Variants in CSNK1G3 observed in about 807,000 individuals in gnomAD.
CSNK1G3 encodes the protein casein kinase 1 gamma 3.
Under a neutral mutation model 64.3 loss-of-function variants are expected in CSNK1G3, and 23 were observed. The ratio of observed to expected loss-of-function variants is 0.36; its 90% confidence interval spans 0.26 to 0.51. CSNK1G3 has a LOEUF of 0.51. Among genes scored for constraint, CSNK1G3 ranks in the 20% least tolerant of loss-of-function variants. The pLI is 0.96. For synonymous variants in CSNK1G3, 158 were observed against 162.2 expected, an observed-to-expected ratio of 0.97 and a Z score of 0.20; for missense variants, 357 against 510.5, an observed-to-expected ratio of 0.70 and a Z score of 2.90.
At chr5:123,530,806 A>G (rs961804252) in intron 1 of CSNK1G3, among the ~76,000 whole-genome samples, 8 of 152,200 alleles carry the variant, frequency 5.3e-5, no homozygotes, top group Non-Finnish European at 1.0e-4. Flanking sequence ...TTTCTGTAGT[A>G]TGTAATTTTA....
chr5:123,521,541 C>T (rs1317067529), intron 1 of CSNK1G3, among the ~76,000 whole-genome samples: 2 of 151,986 alleles, frequency 1.3e-5, no homozygotes. Context: ...TACCTTAATA[C>T]CTACTAATGA....
At position 123,512,180 on chromosome 5, in the gene CSNK1G3, G is replaced by A. The variant is rs529063093; in HGVS notation, c.-638G>A. 13 of 152,156 alleles carry A rather than the reference G, an allele frequency of 8.5e-5. No homozygotes were observed. Among genetic ancestry groups the A allele is most frequent in the African/African-American group, 3.1e-4 (13 of 41,490 alleles). 9.4% of individuals were successfully genotyped at this position (152,156 alleles called of 1,614,324 possible). On this transcript the variant is annotated 5_prime_UTR_variant, in exon 1 of 13. In the 5' UTR this introduces an upstream ATG that the reference lacks. Coordinates refer to ENST00000345990, the Ensembl canonical transcript of CSNK1G3. ...CTTTCCTTTTTAATTTTTTTTCCAT[G>A]TGTTCACTTCCGGGTCCGGCGTCGA...
intron 6 of CSNK1G3, among the ~76,000 whole-genome samples, chr5:123,577,805 C>G (rs1251022258): frequency 1.3e-5 from 2 of 151,632 alleles, no homozygotes; most frequent in East Asian, 3.9e-4. Context: ...AATGTGCATA[C>G]TATGTAACCC....
At chr5:123,586,267 T>C (rs531228392) in intron 6 of CSNK1G3, among the ~76,000 whole-genome samples, 1 of 152,042 alleles carries the variant, frequency 6.6e-6, no homozygotes, top group African/African-American at 2.4e-5. Context: ...ATTGTGGGGG[T>C]TGGGGGAGAG....
chr5:123,612,980 T>A (rs1748687703), intron 12 of CSNK1G3, among the ~76,000 whole-genome samples: 1 of 152,176 alleles, frequency 6.6e-6, no homozygotes, highest in African/African-American at 2.4e-5. Context: ...TACTCAACCA[T>A]GCTTGCCTGC....
At chr5:123,590,624 T>C in intron 9 of CSNK1G3, 66 bp downstream of exon 9, 1 of 978,432 alleles carries the variant, frequency 1.0e-6, no homozygotes, top group Non-Finnish European at 1.4e-6. Context: ...TACAATATCT[T>C]CAATTGAAAA....
At chr5:123,569,669 A>G (rs757064102) in intron 4 of CSNK1G3, among the ~76,000 whole-genome samples, 2 of 152,190 alleles carry the variant, frequency 1.3e-5, no homozygotes, top group Non-Finnish European at 2.9e-5. Flanking sequence ...AATTGCTTGA[A>G]AGCTTTAATT....
chr5:123,594,527 T>G (rs535720421), intron 10 of CSNK1G3, among the ~76,000 whole-genome samples: 1 of 152,310 alleles, frequency 6.6e-6, no homozygotes, highest in African/African-American at 2.4e-5. Flanking sequence ...CATATTATCC[T>G]TAGAATCAGA....
chr5:123,535,685 T>G (rs1780673726), intron 1 of CSNK1G3, among the ~76,000 whole-genome samples: 2 of 152,186 alleles, frequency 1.3e-5, no homozygotes, highest in East Asian at 1.9e-4. Context: ...CATCTTTTAT[T>G]ATTTTCACTT....
intron 8 of CSNK1G3, among the ~76,000 whole-genome samples, chr5:123,588,775 T>C (rs1174129427): frequency 2.6e-5 from 4 of 152,314 alleles, no homozygotes; most frequent in Middle Eastern, 3.4e-3. Context: ...TGATATACTT[T>C]TAATGAGTTA....
chr5:123,558,758 T>C (rs545439046), intron 4 of CSNK1G3, among the ~76,000 whole-genome samples: 1 of 152,320 alleles, frequency 6.6e-6, no homozygotes, highest in South Asian at 2.1e-4. Context: ...ATTTAAAGGC[T>C]ATTGGGATAA....
At chr5:123,515,926 A>G (rs573623329) in intron 1 of CSNK1G3, among the ~76,000 whole-genome samples, 1 of 152,354 alleles carries the variant, frequency 6.6e-6, no homozygotes, top group African/African-American at 2.4e-5. Flanking sequence ...GAGAGCAGGA[A>G]ACAGTCTTCT....
At chr5:123,519,923 G>C (rs2149952642) in intron 1 of CSNK1G3, among the ~76,000 whole-genome samples, 1 of 152,274 alleles carries the variant, frequency 6.6e-6, no homozygotes, top group East Asian at 1.9e-4. Context: ...CAGGACTGTG[G>C]GCTACCAATG....
At chr5:123,548,739 G>T (rs1048698188) in intron 2 of CSNK1G3, among the ~76,000 whole-genome samples, 1 of 149,470 alleles carries the variant, frequency 6.7e-6, no homozygotes, top group African/African-American at 2.5e-5. Context: ...GATCCTGTCT[G>T]TAAAAAAAAA....
intron 6 of CSNK1G3, among the ~76,000 whole-genome samples, chr5:123,578,522 T>A (rs943390969): frequency 2.6e-5 from 4 of 151,954 alleles, no homozygotes; most frequent in Non-Finnish European, 4.4e-5. Context: ...TTGTCATATA[T>A]ATGCATTATG....
chr5:123,580,252 C>G (rs1183797467), intron 6 of CSNK1G3, among the ~76,000 whole-genome samples: 2 of 151,880 alleles, frequency 1.3e-5, no homozygotes, highest in Non-Finnish European at 2.9e-5. Flanking sequence ...GGACTTCTTG[C>G]TCACATGAAC....
intron 1 of CSNK1G3, among the ~76,000 whole-genome samples, chr5:123,536,760 C>T (rs1171700833): frequency 6.6e-6 from 1 of 151,908 alleles, no homozygotes; most frequent in Non-Finnish European, 1.5e-5. Context: ...AAGAAATAAT[C>T]CTATTAGTGG....
intron 1 of CSNK1G3, among the ~76,000 whole-genome samples, chr5:123,529,505 G>T (rs1167778456): frequency 1.3e-5 from 2 of 152,168 alleles, no homozygotes; most frequent in Admixed American, 6.5e-5. Flanking sequence ...GGGGCAAGTT[G>T]TTCATCACTG....
At chr5:123,577,004 T>G (rs1351966726) in intron 6 of CSNK1G3, among the ~76,000 whole-genome samples, 1 of 152,104 alleles carries the variant, frequency 6.6e-6, no homozygotes, top group Non-Finnish European at 1.5e-5. Context: ...TTATTAATTC[T>G]TATCTTATTT....
Sources: allele counts gnomAD v4.1 joint callset (sites outside exome capture counted in the v4.1 genomes callset), GRCh38; gene constraint gnomAD v4.1.1; transcripts MANE v1.5; gene names NCBI Gene and HGNC (gene_info 2026-07-23, HGNC 2026-07-21).